SAFB: variants seen among roughly 807,000 people sequenced by gnomAD.
SAFB encodes the protein scaffold attachment factor B.
Under a neutral mutation model 101.6 loss-of-function variants are expected in SAFB, and 15 were observed. The observed-to-expected ratio is 0.15, with a 90% CI of 0.10 to 0.23. SAFB has a LOEUF of 0.23. Ranked by LOEUF, SAFB falls within the 10% of genes least tolerant of loss-of-function variation. The pLI is 1.00. For missense variants in SAFB, 930 were observed against 1,104.1 expected (o/e 0.84, Z 2.23); for synonymous variants, 449 against 407.5 (o/e 1.10, Z -1.23).
chr19:5,651,766 T>G (rs1456796205), intron 9 of SAFB, among the ~76,000 whole-genome samples: 1 of 152,210 alleles, frequency 6.6e-6, no homozygotes, highest in Non-Finnish European at 1.5e-5. Flanking sequence ...TCAGGGCTCC[T>G]CGTCTCTCTC....
At chr19:5,662,833 G>A (rs2054245787) in intron 15 of SAFB, among the ~76,000 whole-genome samples, 1 of 151,266 alleles carries the variant, frequency 6.6e-6, no homozygotes, top group African/African-American at 2.4e-5. Flanking sequence ...GTAGAGATGG[G>A]GTTTTGCCAT....
In SAFB at chr19:5,645,376, T is replaced by C. The variant is rs1409844522; in HGVS notation, c.586T>C (p.Ser196Pro). 1 of 1,376,472 alleles carries C rather than the reference T, an allele frequency of 7.3e-7. No individual in the cohort carries two copies. The highest frequency in any genetic ancestry group is 1.0e-6 in the Non-Finnish European group (1 of 964,644). 85.3% of individuals were successfully genotyped at this position (1,376,472 alleles called of 1,614,324 possible). A position where few individuals can be genotyped will look rare whatever the true frequency, so the allele number is the denominator to read the frequency against. The part of the protein sequence containing the change: ...KETINNLDTS[S>P]SDFTILQEIE... Reference sequence around the variant, plus strand: ...AACTATAAACAATTTAGATACTTCATCATCTGACTTCACTATATTACAGGT... The same window carrying C: ...AACTATAAACAATTTAGATACTTCACCATCTGACTTCACTATATTACAGGT... The change falls in exon 5 of 21, where the codon TCA becomes CCA. Residue 196 changes from serine to proline, a missense_variant. Ser to Pro is a moderately conservative substitution (Grantham distance 74). Coordinates refer to ENST00000588852, the MANE Select transcript of SAFB (RefSeq NM_001201338.2).
In SAFB at chr19:5,653,151, C is replaced by G; in HGVS notation, c.1330C>G (p.Pro444Ala). Residue 444 changes from proline (P) to alanine (A), a missense_variant, in exon 10 of 21, where the codon CCT becomes GCT. Physicochemically the swap from Pro to Ala is conservative, Grantham distance 27. Coordinates refer to ENST00000588852, the MANE Select transcript of SAFB (RefSeq NM_001201338.2). ...GAKVVTNARS[P>A]GARCYGFVTM... The stretch of plus-strand genomic sequence containing the variant: ...CAAGGTTGTGACAAATGCCCGGAGT[C>G]CTGGAGCTCGCTGTTACGGTTTTGT... 1 of 1,614,032 alleles carries G rather than the reference C, an allele frequency of 6.2e-7. No homozygotes were observed. The highest frequency in any genetic ancestry group is 8.5e-7 in the Non-Finnish European group (1 of 1,179,996).
intron 2 of SAFB, among the ~76,000 whole-genome samples, chr19:5,638,971 C>T (rs1011427044): frequency 1.3e-5 from 2 of 152,102 alleles, no homozygotes; most frequent in African/African-American, 4.8e-5. Flanking sequence ...AGATGATCCA[C>T]CCGCCTTGGC....
At chr19:5,638,302 T>G (rs1224070784) in intron 2 of SAFB, among the ~76,000 whole-genome samples, 1 of 152,170 alleles carries the variant, frequency 6.6e-6, no homozygotes, top group Admixed American at 6.6e-5. Context: ...TCACATTTTT[T>G]AAAATTACTA....
intron 2 of SAFB, among the ~76,000 whole-genome samples, chr19:5,635,846 G>C (rs907100157): frequency 6.6e-6 from 1 of 152,010 alleles, no homozygotes; most frequent in Non-Finnish European, 1.5e-5. Context: ...GGATTCAAGG[G>C]GCACATTGGC....
At position 5,653,506 on chromosome 19, in the gene SAFB, G is replaced by A. The variant is rs142525379; in HGVS notation, c.1526+86G>A. The A allele has an allele frequency of 4.5e-5, 53 of 1,189,260 alleles. No individual in the cohort carries two copies. In the African/African-American group the frequency reaches 5.2e-4, roughly 12 times the overall value. The allele number at this position is 1,189,260 out of a possible 1,614,324, so 73.7% of individuals were successfully genotyped here. On this transcript the variant is annotated intron_variant, in intron 11 of 20. Transcript: ENST00000588852. ...TTTTGAGATGGAGTCGCGCTCTGTC[G>A]CCCAGACTGGAGTGCAGTGGTGTGA...
At position 5,653,245 on chromosome 19, in the gene SAFB, A is replaced by C; in HGVS notation, c.1424A>C (p.Lys475Thr). ...NHLHKTELHG[K>T]MISVEKAKNE... The stretch of plus-strand genomic sequence containing the variant: ...CTGCACAAGACGGAGCTCCACGGAA[A>C]GATGATCTCCGTGGAGAAAGTGAGT... The change falls in exon 10 of 21, where the codon AAG (lysine) becomes ACG (threonine). Residue 475 changes from lysine to threonine, a missense_variant. Transcript: ENST00000588852. The C allele has an allele frequency of 6.2e-7, 1 of 1,614,188 alleles. No individual in the cohort carries two copies.
chr19:5,666,857 G>T (rs1003145443), intron 17 of SAFB, 189 bp from the exon 18 acceptor site: 3 of 689,964 alleles, frequency 4.3e-6, no homozygotes, highest in African/African-American at 3.5e-5. Context: ...CAGGCCATGA[G>T]CCTAGGGCAC....
intron 17 of SAFB, 85 bp downstream of exon 17, chr19:5,664,524 CT>C (rs2054287274): frequency 1.9e-6 from 2 of 1,052,912 alleles, no homozygotes; most frequent in Non-Finnish European, 3.0e-6. Context: ...CCTGCCCTTT[CT>C]TTGAGCAAGA....
intron 2 of SAFB, among the ~76,000 whole-genome samples, chr19:5,640,173 G>A (rs2053676053): frequency 6.6e-6 from 1 of 152,094 alleles, no homozygotes; most frequent in African/African-American, 2.4e-5. Flanking sequence ...TTTTTAAATA[G>A]TGGGGTGTAA....
intron 4 of SAFB, among the ~76,000 whole-genome samples, chr19:5,643,509 G>C (rs1464323746): frequency 1.3e-5 from 2 of 152,120 alleles, no homozygotes; most frequent in Admixed American, 6.5e-5. Flanking sequence ...TTTTTGGTGA[G>C]TCCCATTCAT....
At chr19:5,648,856 G>A (rs989974437) in intron 6 of SAFB, 133 bp from the exon 7 acceptor site, 13 of 509,460 alleles carry the variant, frequency 2.6e-5, no homozygotes, top group Non-Finnish European at 4.4e-5. Flanking sequence ...GTGTACCCGC[G>A]GGTTTTCCAA....
At chr19:5,649,768 T>C in intron 7 of SAFB, 158 bp from the exon 8 acceptor site, 1 of 821,406 alleles carries the variant, frequency 1.2e-6, no homozygotes, top group Non-Finnish European at 2.0e-6. Flanking sequence ...GTCTGAAATC[T>C]TATGGTTAGG....
intron 2 of SAFB, among the ~76,000 whole-genome samples, chr19:5,640,358 C>CA (rs546788602): frequency 4.4e-5 from 4 of 91,552 alleles, no homozygotes; most frequent in Non-Finnish European, 6.1e-5. Flanking sequence ...GAAAGATTGG[C>CA]TTTTTTTTTT....
chr19:5,643,755 C>T (rs1049449174), intron 4 of SAFB, among the ~76,000 whole-genome samples: 10 of 151,776 alleles, frequency 6.6e-5, no homozygotes, highest in African/African-American at 2.2e-4. Context: ...CCCAGCTACT[C>T]AGGAGGCTGA....
chr19:5,655,818 G>T (rs1183748022), intron 13 of SAFB, among the ~76,000 whole-genome samples: 1 of 152,242 alleles, frequency 6.6e-6, no homozygotes. Flanking sequence ...GATAAAATGA[G>T]AAGGTCTCTT....
chr19:5,663,475 G>A (rs1429492037), intron 15 of SAFB, among the ~76,000 whole-genome samples: 1 of 152,226 alleles, frequency 6.6e-6, no homozygotes, highest in East Asian at 1.9e-4. Flanking sequence ...TATTGCATGG[G>A]TTGAAGAGGA....
chr19:5,656,718 A>T (rs1486260863), intron 13 of SAFB, among the ~76,000 whole-genome samples: 1 of 151,884 alleles, frequency 6.6e-6, no homozygotes, highest in African/African-American at 2.4e-5. Flanking sequence ...CTGAGATTAC[A>T]AGCATGCGCC....
Sources: gnomAD v4.1 joint callset for allele counts (sites outside exome capture counted in the v4.1 genomes callset) on GRCh38, gnomAD v4.1.1 for gene constraint, MANE v1.5 for transcripts, NCBI Gene and HGNC (gene_info 2026-07-23, HGNC 2026-07-21) for gene names.